AGBL4: variants seen among roughly 807,000 people sequenced by gnomAD.
AGBL4 encodes cytosolic carboxypeptidase 6.
AGBL4 carries 58 observed loss-of-function variants against 66.4 expected under a neutral mutation model. That is an observed-to-expected ratio of 0.87 (90% confidence interval 0.71 to 1.09). AGBL4 has a LOEUF of 1.09. Among genes scored for constraint, AGBL4 ranks in the 50% least tolerant of loss-of-function variants. The pLI is 0.00. For synonymous variants in AGBL4, 234 were observed against 222.9 expected (o/e 1.05, Z -0.44); for missense variants, 579 against 631.0 (o/e 0.92, Z 0.88).
intron 6 of AGBL4, among the ~76,000 whole-genome samples, chr1:48,681,043 G>A (rs1646447078): frequency 1.3e-5 from 2 of 152,102 alleles, no homozygotes; most frequent in Non-Finnish European, 2.9e-5. Context: ...ACAGGGCATG[G>A]GAATCTACAC....
At chr1:48,780,232 G>C (rs756755573) in intron 6 of AGBL4, among the ~76,000 whole-genome samples, 2 of 95,294 alleles carry the variant, frequency 2.1e-5, no homozygotes, top group Non-Finnish European at 3.8e-5. Context: ...TCCCCTCCCC[G>C]TATCTATGTG....
At chr1:49,980,641 T>C (rs931412047) in intron 1 of AGBL4, among the ~76,000 whole-genome samples, 3 of 152,204 alleles carry the variant, frequency 2.0e-5, no homozygotes, top group Non-Finnish European at 2.9e-5. Context: ...TGTATGTATA[T>C]ACCACATTTT....
rs58814698 is a variant in AGBL4 at position 48,740,263 on chromosome 1, T to A, written c.635-77022A>T. Among the ~76,000 whole-genome samples the A allele has an allele frequency of 8.3e-4, 127 of 152,282 alleles. 2 individuals carry two copies. Among genetic ancestry groups the A allele is most frequent in the African/African-American group, 2.9e-3 (121 of 41,554 alleles). Reference sequence around the variant, plus strand: ...GGCTCAAGGTCACCTGGAGCAATGTTCAGTTTTCAGGGATGTAGCAGAACA... The same window carrying A: ...GGCTCAAGGTCACCTGGAGCAATGTACAGTTTTCAGGGATGTAGCAGAACA... On this transcript the variant is annotated intron_variant, in intron 6 of 13. Transcript: ENST00000371839.
At chr1:49,958,100 A>G (rs2148337290) in intron 1 of AGBL4, among the ~76,000 whole-genome samples, 2 of 152,088 alleles carry the variant, frequency 1.3e-5, no homozygotes, top group Middle Eastern at 6.8e-3. Context: ...AAAGGATTTT[A>G]TTTCTCCTTC....
chr1:49,126,617 A>T (rs1645769454), intron 4 of AGBL4, among the ~76,000 whole-genome samples: 1 of 152,176 alleles, frequency 6.6e-6, no homozygotes, highest in African/African-American at 2.4e-5. Flanking sequence ...ATTTACACAG[A>T]TAGTAAGTGA....
intron 2 of AGBL4, among the ~76,000 whole-genome samples, chr1:49,704,429 A>G (rs1407409746): frequency 6.6e-6 from 1 of 152,104 alleles, no homozygotes; most frequent in Non-Finnish European, 1.5e-5. Flanking sequence ...ACCCTTACTG[A>G]AAATCTTATA....
At chr1:49,561,528 A>G (rs1467270474) in intron 3 of AGBL4, among the ~76,000 whole-genome samples, 1 of 151,918 alleles carries the variant, frequency 6.6e-6, no homozygotes, top group African/African-American at 2.4e-5. Context: ...TCATGGTTCA[A>G]TTCCCACCTA....
chr1:49,515,139 C>A (rs1649667335), intron 3 of AGBL4, among the ~76,000 whole-genome samples: 1 of 152,224 alleles, frequency 6.6e-6, no homozygotes, highest in Admixed American at 6.5e-5. Flanking sequence ...ATCTACTCAT[C>A]TGACAAAGGG....
chr1:49,677,514 C>G (rs958799955), intron 3 of AGBL4, among the ~76,000 whole-genome samples: 41 of 152,110 alleles, frequency 2.7e-4, no homozygotes, highest in African/African-American at 9.4e-4. Context: ...ATTTTGTTCA[C>G]AAATTTTGCA....
At chr1:49,101,582 A>G (rs574718611) in intron 4 of AGBL4, among the ~76,000 whole-genome samples, 1 of 152,340 alleles carries the variant, frequency 6.6e-6, no homozygotes, top group East Asian at 1.9e-4. Context: ...AACAGCATGA[A>G]TTCTGGAGTC....
intron 6 of AGBL4, among the ~76,000 whole-genome samples, chr1:48,858,935 T>C (rs1647267304): frequency 1.3e-5 from 2 of 152,134 alleles, no homozygotes; most frequent in South Asian, 2.1e-4. Context: ...ATATTAGTCA[T>C]TGAAAAATAT....
At chr1:48,947,661 G>T (rs1656626397) in intron 5 of AGBL4, among the ~76,000 whole-genome samples, 1 of 152,016 alleles carries the variant, frequency 6.6e-6, no homozygotes, top group Admixed American at 6.6e-5. Flanking sequence ...TGCATTAACT[G>T]CCCAAAGCTT....
intron 5 of AGBL4, among the ~76,000 whole-genome samples, chr1:49,037,651 C>G (rs937931707): frequency 6.6e-6 from 1 of 152,068 alleles, no homozygotes; most frequent in Non-Finnish European, 1.5e-5. Context: ...AGTAAAGATG[C>G]CTCCTTCCTT....
At chr1:48,836,596 G>GA (rs1646679140) in intron 6 of AGBL4, among the ~76,000 whole-genome samples, 1 of 151,932 alleles carries the variant, frequency 6.6e-6, no homozygotes, top group Non-Finnish European at 1.5e-5. Context: ...TTTCCCTAGG[G>GA]ATCAAAAAAA....
chr1:48,893,285 T>C (rs1557432667), intron 5 of AGBL4, among the ~76,000 whole-genome samples: 1 of 152,082 alleles, frequency 6.6e-6, no homozygotes, highest in Non-Finnish European at 1.5e-5. Flanking sequence ...ATTTATGTGT[T>C]GAACTCCTAC....
intron 6 of AGBL4, among the ~76,000 whole-genome samples, chr1:48,674,862 T>G (rs1444630141): frequency 6.6e-6 from 1 of 152,064 alleles, no homozygotes; most frequent in African/African-American, 2.4e-5. Context: ...AGGCAGTGAG[T>G]CACTCTCTGC....
At chr1:49,459,693 C>T (rs1235876334) in intron 3 of AGBL4, among the ~76,000 whole-genome samples, 1 of 151,470 alleles carries the variant, frequency 6.6e-6, no homozygotes, top group Non-Finnish European at 1.5e-5. Flanking sequence ...TTCTTTTCTT[C>T]TGCTGGCTTT....
At chr1:49,212,483 C>A (rs1387829503) in intron 4 of AGBL4, among the ~76,000 whole-genome samples, 9 of 152,258 alleles carry the variant, frequency 5.9e-5, no homozygotes, top group Non-Finnish European at 1.5e-5. Flanking sequence ...TTATATTTGC[C>A]ATCTAGAATA....
intron 6 of AGBL4, among the ~76,000 whole-genome samples, chr1:48,786,341 C>G (rs1335209618): frequency 1.3e-5 from 2 of 152,148 alleles, no homozygotes; most frequent in South Asian, 4.1e-4. Flanking sequence ...TTAGAGAGAT[C>G]ATAGAACTTG....
Sources: gnomAD v4.1 joint callset for allele counts (sites outside exome capture counted in the v4.1 genomes callset) on GRCh38, gnomAD v4.1.1 for gene constraint, MANE v1.5 for transcripts, NCBI Gene and HGNC (gene_info 2026-07-23, HGNC 2026-07-21) for gene names.